Variants in FAM118B observed in about 807,000 individuals in gnomAD.
FAM118B encodes protein FAM118B.
Under a neutral mutation model 38.5 loss-of-function variants are expected in FAM118B, and 24 were observed. That is an observed-to-expected ratio of 0.62 (90% CI 0.45 to 0.88). The LOEUF is 0.88. FAM118B is among the 40% of genes least tolerant of loss of function. The pLI is 0.00. For missense variants in FAM118B, 334 were observed against 420.0 expected, an observed-to-expected ratio of 0.80 and a Z score of 1.79; for synonymous variants, 138 against 156.3, an observed-to-expected ratio of 0.88 and a Z score of 0.87.
Position 126,262,388 on chromosome 11 carries a change from C to T in FAM118B, c.*255C>T. On this transcript the variant is annotated 3_prime_UTR_variant, in exon 9 of 9. Coordinates refer to ENST00000533050, the MANE Select transcript of FAM118B (RefSeq NM_024556.4). ...CCCAAATGCAGCTCCCAACCCACTCCCCAGGCTAGACATGCTTGTGTCCAC... is the reference window on the plus strand; with the variant it reads ...CCCAAATGCAGCTCCCAACCCACTCTCCAGGCTAGACATGCTTGTGTCCAC... The T allele has an allele frequency of 1.8e-6, 1 of 551,414 alleles. No individual in the cohort carries two copies. Among genetic ancestry groups the T allele is most frequent in the Non-Finnish European group, 3.2e-6 (1 of 310,252 alleles). 34.2% of individuals were successfully genotyped at this position (551,414 alleles called of 1,614,324 possible).
chr11:126,242,035 A>G (rs558220064), intron 4 of FAM118B, among the ~76,000 whole-genome samples: 1 of 152,006 alleles, frequency 6.6e-6, no homozygotes, highest in East Asian at 1.9e-4. Context: ...AAAAAAAAAA[A>G]AAAAAAAAGG....
At chr11:126,247,165 G>A (rs982650898) in intron 4 of FAM118B, among the ~76,000 whole-genome samples, 3 of 152,090 alleles carry the variant, frequency 2.0e-5, no homozygotes, top group African/African-American at 2.4e-5. Context: ...GGTGGTGTGC[G>A]CCTGTAGTCC....
At chr11:126,219,431 A>G (rs1224949577) in intron 1 of FAM118B, among the ~76,000 whole-genome samples, 1 of 121,484 alleles carries the variant, frequency 8.2e-6, no homozygotes, top group Non-Finnish European at 1.6e-5. Context: ...GGGCATGATC[A>G]TGACTCACTG....
chr11:126,256,523 AGT>A lies in FAM118B; in HGVS notation c.697-39_697-38del. 6.3e-7 allele frequency: 1 copy of A among 1,584,122 alleles called. No individual in the cohort carries two copies. The highest frequency in any genetic ancestry group is 8.6e-7 in the Non-Finnish European group (1 of 1,159,848). ...ACCTTCTTGTTTCAGACTTGCCTTGAGTGTGTCTTCACAATGTCAATATGTTG... is the reference window on the plus strand; with the variant it reads ...ACCTTCTTGTTTCAGACTTGCCTTGAGTGTCTTCACAATGTCAATATGTTG... On this transcript the variant is annotated intron_variant, in intron 6 of 8. Coordinates refer to ENST00000533050, the MANE Select transcript of FAM118B (RefSeq NM_024556.4). The surrounding 1 kb of genome is among the most constrained non-coding windows in gnomAD (Gnocchi z 6.6).
At chr11:126,227,765 G>A (rs1950161897) in intron 1 of FAM118B, among the ~76,000 whole-genome samples, 1 of 151,868 alleles carries the variant, frequency 6.6e-6, no homozygotes, top group African/African-American at 2.4e-5. Flanking sequence ...TACACTTGAG[G>A]GTTTTTAATG....
intron 7 of FAM118B, among the ~76,000 whole-genome samples, chr11:126,257,121 A>G (rs1950590142): frequency 6.6e-6 from 1 of 152,272 alleles, no homozygotes; most frequent in South Asian, 2.1e-4. Flanking sequence ...AATGAAATGC[A>G]GTTTGAATTT....
At position 126,244,200 on chromosome 11, in the gene FAM118B, C is replaced by T. The variant is rs1950393720; in HGVS notation, c.339+3156C>T. Among the ~76,000 whole-genome samples, 1 of 152,114 alleles carries T rather than the reference C, an allele frequency of 6.6e-6. No individual in the cohort carries two copies. The highest frequency in any genetic ancestry group is 2.1e-4 in the South Asian group (1 of 4,830). ...TCAGCAGCAAGACAAGGCTGTTTTC[C>T]CACTCCACTCCTGTCCAACATGGTG... On this transcript the variant is annotated intron_variant, in intron 4 of 8. Coordinates refer to ENST00000533050, the MANE Select transcript of FAM118B (RefSeq NM_024556.4). The surrounding 1 kb of genome is among the most constrained non-coding windows in gnomAD (Gnocchi z 4.5).
At chr11:126,249,060 A>G (rs976691850) in intron 4 of FAM118B, among the ~76,000 whole-genome samples, 1 of 152,206 alleles carries the variant, frequency 6.6e-6, no homozygotes, top group Non-Finnish European at 1.5e-5. Flanking sequence ...AAAAGCAGTT[A>G]TTTAAGTAAG....
intron 1 of FAM118B, among the ~76,000 whole-genome samples, chr11:126,224,990 C>G (rs1950121195): frequency 6.6e-6 from 1 of 152,184 alleles, no homozygotes; most frequent in Non-Finnish European, 1.5e-5. Flanking sequence ...TCCTTAAATT[C>G]AGTTCATAGG....
At chr11:126,257,833 A>G (rs1950603887) in intron 7 of FAM118B, among the ~76,000 whole-genome samples, 1 of 152,226 alleles carries the variant, frequency 6.6e-6, no homozygotes, top group Non-Finnish European at 1.5e-5. Flanking sequence ...TACACTTGAT[A>G]TTTTACCTCC....
chr11:126,250,820 TTATG>T lies in FAM118B; in HGVS notation c.567+90_567+93del. 1 of 1,077,020 alleles carries T rather than the reference TTATG, an allele frequency of 9.3e-7. No homozygotes were observed. Among genetic ancestry groups the T allele is most frequent in the East Asian group, 2.6e-5 (1 of 38,514 alleles). The allele number at this position is 1,077,020 out of a possible 1,614,324, so 66.7% of individuals were successfully genotyped here. On this transcript the variant is annotated intron_variant, in intron 5 of 8. Coordinates refer to ENST00000533050, the MANE Select transcript of FAM118B (RefSeq NM_024556.4). The surrounding 1 kb of genome is among the most constrained non-coding windows in gnomAD (Gnocchi z 5.1). Reference sequence around the variant, plus strand: ...TCTTTTCTAGTTGGTATATTGGTATTTATGTAGAGCTAGAAAGGAAAAATTTTTT... The same window carrying T: ...TCTTTTCTAGTTGGTATATTGGTATTTAGAGCTAGAAAGGAAAAATTTTTT...
At chr11:126,257,604 C>T (rs1325281241) in intron 7 of FAM118B, among the ~76,000 whole-genome samples, 5 of 105,896 alleles carry the variant, frequency 4.7e-5, no homozygotes, top group Non-Finnish European at 5.7e-5. Flanking sequence ...TAGAATTGTA[C>T]ATTTTTTTTT....
At chr11:126,221,664 T>C (rs1441767669) in intron 1 of FAM118B, among the ~76,000 whole-genome samples, 1 of 150,992 alleles carries the variant, frequency 6.6e-6, no homozygotes, top group Non-Finnish European at 1.5e-5. Context: ...TATTTTAATA[T>C]CTAGGGGTGA....
chr11:126,220,233 C>T (rs879097654), intron 1 of FAM118B, among the ~76,000 whole-genome samples: 1 of 152,210 alleles, frequency 6.6e-6, no homozygotes, highest in Admixed American at 6.5e-5. Flanking sequence ...CTCCACCTGC[C>T]TCCCTTGGGC....
chr11:126,241,252 G>A lies in FAM118B; in HGVS notation c.339+208G>A, dbSNP rs1170300583. On this transcript the variant is annotated intron_variant, in intron 4 of 8. Coordinates refer to ENST00000533050, the MANE Select transcript of FAM118B (RefSeq NM_024556.4). ...AGTTGTCTTAACCCCATTTCACTGT[G>A]TGTCTATGAGAGAGAAATGATGTTG... The A allele has an allele frequency of 2.6e-5, 12 of 457,704 alleles. No individual in the cohort carries two copies. The East Asian group carries it at 3.7e-4, about 14-fold the overall frequency. The allele number at this position is 457,704 out of a possible 1,614,324, so 28.4% of individuals were successfully genotyped here.
rs569459585 is a variant in FAM118B at position 126,255,662 on chromosome 11, C to A, written c.697-905C>A. On this transcript the variant is annotated intron_variant, in intron 6 of 8. Coordinates refer to ENST00000533050, the MANE Select transcript of FAM118B (RefSeq NM_024556.4). The surrounding 1 kb of genome is among the most constrained non-coding windows in gnomAD (Gnocchi z 4.6). ...TGAAGACCTACTCTTTGCACAATGA[C>A]CTCTGGGCACATAAATCTAAAAAAG... Among the ~76,000 whole-genome samples the A allele has an allele frequency of 6.6e-6, 1 of 152,254 alleles. No individual in the cohort carries two copies. Among genetic ancestry groups the A allele is most frequent in the Admixed American group, 6.5e-5 (1 of 15,290 alleles).
intron 3 of FAM118B, among the ~76,000 whole-genome samples, chr11:126,237,680 T>TAA (rs544480250): frequency 1.2e-5 from 1 of 85,908 alleles, no homozygotes; most frequent in Non-Finnish European, 2.2e-5. Context: ...CTGTCTCTAC[T>TAA]AAAAAAAAAA....
intron 1 of FAM118B, among the ~76,000 whole-genome samples, chr11:126,219,929 A>C (rs1950042010): frequency 6.6e-6 from 1 of 152,050 alleles, no homozygotes; most frequent in African/African-American, 2.4e-5. Flanking sequence ...CATTGAAGGA[A>C]GAATTTTTTT....
chr11:126,239,315 A>G (rs909410890), intron 3 of FAM118B, among the ~76,000 whole-genome samples: 2 of 152,086 alleles, frequency 1.3e-5, no homozygotes, highest in South Asian at 4.1e-4. Flanking sequence ...TATGTTATAT[A>G]AAAAAATACA....
Sources: gnomAD v4.1 joint callset for allele counts (sites outside exome capture counted in the v4.1 genomes callset) on GRCh38, gnomAD v4.1.1 for gene constraint, Gnocchi (gnomAD v3.1) non-coding constraint, MANE v1.5 for transcripts, NCBI Gene and HGNC (gene_info 2026-07-23, HGNC 2026-07-21) for gene names.